The following TRIM29 variants were observed in gnomAD, a reference collection of about 807,000 sequenced individuals.
The protein encoded by TRIM29 is tripartite motif-containing protein 29.
In TRIM29, 52 loss-of-function variants were observed where a neutral mutation model predicts 57.3. That is an observed-to-expected ratio of 0.91 (90% CI 0.73 to 1.14). TRIM29 has a LOEUF of 1.14. TRIM29 is among the 50% of genes most tolerant of loss of function. TRIM29 has a pLI of 0.00. For synonymous variants in TRIM29, 319 were observed against 316.9 expected (o/e 1.01, Z -0.07); for missense variants, 753 against 774.6 (o/e 0.97, Z 0.33).
Position 120,126,653 on chromosome 11 carries a change from C to T in TRIM29, c.1134+683G>A, listed in dbSNP as rs543688061. Among the ~76,000 whole-genome samples the T allele has an allele frequency of 1.1e-4, 17 of 152,322 alleles. No homozygotes were observed. In the South Asian group the frequency reaches 2.3e-3, roughly 20 times the overall value. ...TCCTCCCTCTCAAATCCTAACCGGC[C>T]TCCAAGACCCAGTTCAAACTCCACC... On this transcript the variant is annotated intron_variant, in intron 3 of 8. Coordinates refer to ENST00000341846, the MANE Select transcript of TRIM29 (RefSeq NM_012101.4).
At chr11:120,123,169 G>T in intron 4 of TRIM29, 114 bp from the exon 5 acceptor site, 2 of 819,750 alleles carry the variant, frequency 2.4e-6, no homozygotes, top group Non-Finnish European at 2.0e-6. Flanking sequence ...TATCTCCCAG[G>T]CAGATCCAAG....
Position 120,137,922 on chromosome 11 carries a change from C to A in TRIM29, c.110G>T (p.Gly37Val), listed in dbSNP as rs1319239942. 2.5e-6 allele frequency: 4 copies of A among 1,609,788 alleles called. No homozygotes were observed. In the South Asian group the frequency reaches 3.3e-5, roughly 13 times the overall value. The change falls in exon 1 of 9, where the codon GGC becomes GTC. Residue 37 changes from glycine (G) to valine (V), a missense_variant. Transcript: ENST00000341846. The surrounding 1 kb of genome is among the most constrained non-coding windows in gnomAD (Gnocchi z 6.2). ...CCCGTTGGTGGTCTTGGCATCCTTG[C>A]CGTCAGCCTTGGTGCCATTCTCCAG... is the stretch of plus-strand genomic sequence containing the variant. The part of the protein sequence containing the change: ...GSLENGTKAD[G>V]KDAKTTNGHG...
intron 6 of TRIM29, 89 bp downstream of exon 6, chr11:120,120,484 C>T: frequency 8.3e-7 from 1 of 1,204,052 alleles, no homozygotes; most frequent in Non-Finnish European, 1.2e-6. Flanking sequence ...GGGGTCCCAG[C>T]CCTGTGCCCC....
chr11:120,128,456 T>C lies in TRIM29; in HGVS notation c.844A>G (p.Ile282Val). The C allele has an allele frequency of 1.9e-6, 3 of 1,612,292 alleles. No homozygotes were observed. The South Asian group carries it at 3.3e-5, about 18-fold the overall frequency. The change falls in exon 2 of 9, where the codon ATC (isoleucine) becomes GTC (valine). Residue 282 changes from isoleucine to valine, a missense_variant. By Grantham distance (29) the Ile-to-Val change is conservative (BLOSUM62 3). Coordinates refer to ENST00000341846, the MANE Select transcript of TRIM29 (RefSeq NM_012101.4). ...TCAGCTTCATCCTCAATCTCAATGA[T>C]CTTGAGCTGCAGCTGCTCCTTTTGC... The part of the protein sequence containing the change: ...SLQKEQLQLK[I>V]IEIEDEAEKW...
chr11:120,138,007 T>C lies in TRIM29; in HGVS notation c.25A>G (p.Ser9Gly). 6.2e-7 allele frequency: 1 copy of C among 1,600,356 alleles called. No homozygotes were observed. The highest frequency in any genetic ancestry group is 8.5e-7 in the Non-Finnish European group (1 of 1,178,910). The change falls in exon 1 of 9, where the codon AGC becomes GGC. Residue 9 changes from serine (S) to glycine (G), a missense_variant. By Grantham distance (56) the Ser-to-Gly change is moderately conservative. Coordinates refer to ENST00000341846, the MANE Select transcript of TRIM29 (RefSeq NM_012101.4). MEAADASR[S>G]NGSSPEARDA... ...CTGGCTTCTGGGCTCGACCCGTTGCTCCTGGAGGCATCTGCAGCTTCCATC... is the reference window on the plus strand; with the variant it reads ...CTGGCTTCTGGGCTCGACCCGTTGCCCCTGGAGGCATCTGCAGCTTCCATC...
chr11:120,128,846 G>A, intron 1 of TRIM29: 1 of 1,502,200 alleles, frequency 6.7e-7, no homozygotes, highest in Non-Finnish European at 8.9e-7. Context: ...AGTGGACCTG[G>A]GGACAATGGG....
intron 5 of TRIM29, among the ~76,000 whole-genome samples, chr11:120,121,190 C>A (rs933962684): frequency 5.3e-5 from 8 of 152,162 alleles, no homozygotes; most frequent in Admixed American, 2.6e-4. Context: ...CCCACCTGAC[C>A]CTCAGATGAC....
chr11:120,121,010 T>A (rs1863431704), intron 5 of TRIM29: 2 of 387,434 alleles, frequency 5.2e-6, no homozygotes, highest in Admixed American at 7.2e-5. Context: ...CCCAGGCTGC[T>A]GCTTCCCGGG....
At chr11:120,130,062 C>T (rs1049423291) in intron 1 of TRIM29, among the ~76,000 whole-genome samples, 2 of 152,074 alleles carry the variant, frequency 1.3e-5, no homozygotes, top group Non-Finnish European at 2.9e-5. Context: ...AGAAAGCAGG[C>T]CCACTGTAAT....
intron 1 of TRIM29, among the ~76,000 whole-genome samples, chr11:120,129,869 G>A (rs539623297): frequency 1.4e-4 from 22 of 152,134 alleles, no homozygotes; most frequent in Non-Finnish European, 2.5e-4. Flanking sequence ...ATTCAGAGTT[G>A]TTCTCAGTAG....
chr11:120,128,777 A>G (rs1040685560), intron 1 of TRIM29: 2 of 1,533,962 alleles, frequency 1.3e-6, no homozygotes, highest in Non-Finnish European at 1.7e-6. Flanking sequence ...ACCTCTGCCT[A>G]TCTCCTCCAC....
At chr11:120,112,625 C>G (rs1863162767) in intron 8 of TRIM29, 149 bp from the exon 9 acceptor site, 1 of 738,000 alleles carries the variant, frequency 1.4e-6, no homozygotes, top group African/African-American at 1.8e-5. Context: ...GCAAGATTTA[C>G]CTACCCTGTG....
chr11:120,118,086 TC>T, intron 7 of TRIM29, 136 bp downstream of exon 7: 3 of 785,828 alleles, frequency 3.8e-6, no homozygotes, highest in Middle Eastern at 3.5e-4. Flanking sequence ...TGGCGGTAGC[TC>T]CCGGGCTCTC....
intron 1 of TRIM29, among the ~76,000 whole-genome samples, chr11:120,132,337 C>G (rs1303547109): frequency 6.6e-6 from 1 of 152,124 alleles, no homozygotes; most frequent in African/African-American, 2.4e-5. Context: ...CCTCTGATCC[C>G]CACAGTCCCG....
intron 3 of TRIM29, among the ~76,000 whole-genome samples, chr11:120,126,762 C>T (rs1863599479): frequency 6.6e-6 from 1 of 152,214 alleles, no homozygotes; most frequent in Non-Finnish European, 1.5e-5. Context: ...GAGCCATATG[C>T]TTTATCATTT....
Position 120,112,485 on chromosome 11 carries a change from G to A in TRIM29, c.1705-9C>T. On this transcript the variant is annotated splice_polypyrimidine_tract_variant and intron_variant, in intron 8 of 8. Coordinates refer to ENST00000341846, the MANE Select transcript of TRIM29 (RefSeq NM_012101.4). ...AATGGCCGGTAGTGAGACTGTGGGGGAAACAAGAGTGGTCAGCGAGGCCAG... is the reference window on the plus strand; with the variant it reads ...AATGGCCGGTAGTGAGACTGTGGGGAAAACAAGAGTGGTCAGCGAGGCCAG... 3.1e-6 allele frequency: 5 copies of A among 1,613,678 alleles called. No homozygotes were observed. The highest frequency in any genetic ancestry group is 2.2e-5 in the South Asian group (2 of 91,062).
intron 7 of TRIM29, chr11:120,117,343 G>T: frequency 5.9e-6 from 1 of 169,948 alleles, no homozygotes; most frequent in Middle Eastern, 2.7e-3. Flanking sequence ...CCTCCCTCTT[G>T]CCGGCAGCTC....
chr11:120,113,645 G>A, intron 8 of TRIM29: 1 of 456,238 alleles, frequency 2.2e-6, no homozygotes, highest in Non-Finnish European at 4.4e-6. Context: ...CTCAGACCTT[G>A]CTTAAACCAC....
intron 4 of TRIM29, chr11:120,125,451 C>T (rs1863561103): frequency 1.9e-6 from 1 of 529,812 alleles, no homozygotes; most frequent in East Asian, 3.1e-5. Context: ...GGAGCCAGTG[C>T]CCAGGATGTC....
Sources: allele counts gnomAD v4.1 joint callset (sites outside exome capture counted in the v4.1 genomes callset), GRCh38; gene constraint gnomAD v4.1.1; non-coding constraint Gnocchi (gnomAD v3.1); transcripts MANE v1.5; gene names NCBI Gene and HGNC (gene_info 2026-07-23, HGNC 2026-07-21).